SPATA13: variants seen among roughly 807,000 people sequenced by gnomAD.
SPATA13 encodes spermatogenesis-associated protein 13.
SPATA13 carries 50 observed loss-of-function variants against 104.0 expected under a neutral mutation model. The ratio of observed to expected loss-of-function variants is 0.48; its 90% CI spans 0.38 to 0.61. The LOEUF (loss-of-function observed/expected upper bound fraction) is 0.61, where lower values mean the gene tolerates loss of function less well. SPATA13 is among the 20% of genes least tolerant of loss of function. The pLI is 0.00. For missense variants in SPATA13, 1,524 were observed against 1,690.6 expected, an observed-to-expected ratio of 0.90 and a Z score of 1.73; for synonymous variants, 606 against 667.5, an observed-to-expected ratio of 0.91 and a Z score of 1.42.
At chr13:24,222,541 G>GT (rs1404435588) in intron 1 of SPATA13, among the ~76,000 whole-genome samples, 3 of 152,188 alleles carry the variant, frequency 2.0e-5, no homozygotes, top group East Asian at 3.9e-4. Flanking sequence ...CATTCCAGCG[G>GT]TTTTTTTCCT....
intron 3 of SPATA13, chr13:24,034,601 G>A (rs906731646): frequency 1.9e-4 from 29 of 152,198 alleles, no homozygotes; most frequent in African/African-American, 6.3e-4. Flanking sequence ...AGTTCTATGC[G>A]TGGACCAAGG....
chr13:23,989,152 G>A (rs576396825), intron 2 of SPATA13, among the ~76,000 whole-genome samples: 11 of 152,196 alleles, frequency 7.2e-5, no homozygotes, highest in East Asian at 3.9e-4. Context: ...GGCTGGGCGC[G>A]GTGGCTCATG....
Position 24,016,499 on chromosome 13 carries a change from A to G in SPATA13, c.-146-1168A>G, listed in dbSNP as rs192741112. 1.8e-3 allele frequency among the ~76,000 whole-genome samples: 270 copies of G among 152,338 alleles called. 3 individuals carry two copies. The highest frequency in any genetic ancestry group is 2.1e-3 in the Non-Finnish European group (140 of 68,038). ...CTGGGCAGCTATGATGCAGGCCACA[A>G]CCACAATGCTAGGCTCAAAGGTGCC... On this transcript the variant is annotated intron_variant, in intron 2 of 14. Coordinates refer to the SPATA13 transcript ENST00000424834.
intron 1 of SPATA13, among the ~76,000 whole-genome samples, chr13:24,187,602 A>G (rs1869232618): frequency 6.6e-6 from 1 of 152,132 alleles, no homozygotes; most frequent in Non-Finnish European, 1.5e-5. Context: ...TTACTTTTTG[A>G]TAATTCTCAA....
chr13:24,038,020 T>C (rs1020243317), intron 3 of SPATA13, among the ~76,000 whole-genome samples: 2 of 151,928 alleles, frequency 1.3e-5, no homozygotes, highest in African/African-American at 2.4e-5. Context: ...CACGCCATTC[T>C]CCTGCCTCAG....
intron 3 of SPATA13, among the ~76,000 whole-genome samples, chr13:24,115,088 G>A (rs186140961): frequency 7.4e-4 from 113 of 152,342 alleles, no homozygotes; most frequent in African/African-American, 2.3e-3. Context: ...CTGCAGAGAA[G>A]AGGAAGTGAC....
At chr13:24,016,538 A>G (rs1238033473) in intron 2 of SPATA13, among the ~76,000 whole-genome samples, 1 of 152,182 alleles carries the variant, frequency 6.6e-6, no homozygotes, top group Non-Finnish European at 1.5e-5. Context: ...CTTTGCCCAC[A>G]GCCAAGCAGG....
At chr13:24,189,146 G>A (rs1203562055) in intron 1 of SPATA13, among the ~76,000 whole-genome samples, 2 of 152,156 alleles carry the variant, frequency 1.3e-5, no homozygotes, top group Admixed American at 6.6e-5. Context: ...GGATCAAGGA[G>A]TAATTTTGAC....
chr13:24,241,049 C>A (rs17080494), intron 2 of SPATA13, among the ~76,000 whole-genome samples: 4,616 of 152,292 alleles, frequency 0.03, 214 homozygotes, highest in African/African-American at 0.1. Flanking sequence ...CATGTCACCC[C>A]ATTCCGTAGT....
intron 3 of SPATA13, among the ~76,000 whole-genome samples, chr13:24,072,535 G>A (rs76025995): frequency 1.7e-4 from 26 of 152,240 alleles, no homozygotes; most frequent in African/African-American, 4.8e-4. Context: ...CTCCTGACAC[G>A]GTTGTTTAGA....
At chr13:24,297,802 C>T (rs1876901569) in intron 11 of SPATA13, 67 bp downstream of exon 11, 1 of 1,531,044 alleles carries the variant, frequency 6.5e-7, no homozygotes, top group African/African-American at 1.4e-5. Flanking sequence ...TTCTCCACTC[C>T]CATGGGCCTG....
intron 3 of SPATA13, among the ~76,000 whole-genome samples, chr13:24,066,754 T>A (rs1037024437): frequency 2.6e-5 from 4 of 151,966 alleles, no homozygotes; most frequent in Non-Finnish European, 5.9e-5. Flanking sequence ...CACCATGGCT[T>A]AAAAACAGGG....
intron 3 of SPATA13, among the ~76,000 whole-genome samples, chr13:24,059,835 A>C (rs1329138772): frequency 6.6e-6 from 1 of 152,040 alleles, no homozygotes; most frequent in Non-Finnish European, 1.5e-5. Flanking sequence ...GGATGCCTTC[A>C]TTTTCTTCTC....
chr13:24,294,597 A>G, intron 9 of SPATA13, 142 bp from the exon 10 acceptor site: 8 of 853,378 alleles, frequency 9.4e-6, no homozygotes, highest in Non-Finnish European at 1.3e-5. Flanking sequence ...GGGAACAAGA[A>G]AAAGGGAAAC....
rs192290201 is a variant in SPATA13 at position 24,276,574 on chromosome 13, G to A, written c.2165-7561G>A. Among the ~76,000 whole-genome samples the A allele has an allele frequency of 1.1e-3, 170 of 152,338 alleles. 1 individual carries two copies. The highest frequency in any genetic ancestry group is 3.9e-3 in the African/African-American group (163 of 41,562). ...GATGAAAAAGTTCTGTCGTACAAGAGTGTGAATATACTTGACACTGCTGAA... is the reference window on the plus strand; with the variant it reads ...GATGAAAAAGTTCTGTCGTACAAGAATGTGAATATACTTGACACTGCTGAA... On this transcript the variant is annotated intron_variant, in intron 4 of 12. Coordinates refer to ENST00000382108, the MANE Select transcript of SPATA13 (RefSeq NM_001166271.3).
At chr13:24,269,922 A>G (rs1874487383) in intron 4 of SPATA13, among the ~76,000 whole-genome samples, 2 of 150,448 alleles carry the variant, frequency 1.3e-5, no homozygotes, top group East Asian at 2.0e-4. Context: ...GGGTCTTGCT[A>G]TGTTGCCCAG....
intron 2 of SPATA13, among the ~76,000 whole-genome samples, chr13:24,242,538 A>G (rs1872902870): frequency 6.6e-6 from 1 of 152,210 alleles, no homozygotes; most frequent in South Asian, 2.1e-4. Flanking sequence ...TGTCTTAACT[A>G]TCTCGCTTGC....
intron 3 of SPATA13, among the ~76,000 whole-genome samples, chr13:24,139,849 C>G (rs537572276): frequency 6.6e-6 from 1 of 152,210 alleles, no homozygotes; most frequent in East Asian, 1.9e-4. Context: ...GGGCGGATAA[C>G]GAGGTCAGGA....
At chr13:24,123,833 G>T in intron 3 of SPATA13, 1 of 805,496 alleles carries the variant, frequency 1.2e-6, no homozygotes, top group South Asian at 1.4e-5. Context: ...CAAAGGCAGT[G>T]AAGGCCCATT....
Sources: allele counts gnomAD v4.1 joint callset (sites outside exome capture counted in the v4.1 genomes callset), GRCh38; gene constraint gnomAD v4.1.1; transcripts MANE v1.5; gene names NCBI Gene and HGNC (gene_info 2026-07-23, HGNC 2026-07-21).